Variants in ASAP1 observed in about 807,000 individuals in gnomAD.
ASAP1 encodes ArfGAP with SH3 domain, ankyrin repeat and PH domain 1, also known as arf-GAP with SH3 domain, ANK repeat and PH domain-containing protein 1.
Under a neutral mutation model 145.2 loss-of-function variants are expected in ASAP1, and 43 were observed. The observed-to-expected ratio is 0.30, with a 90% confidence interval of 0.23 to 0.38. The LOEUF (loss-of-function observed/expected upper bound fraction) is 0.38, where lower values mean the gene tolerates loss of function less well. ASAP1 is among the 10% of genes least tolerant of loss of function. The probability of loss-of-function intolerance (pLI) is 1.00; values close to 1 mark genes in which losing one functional copy is unlikely to be tolerated. For synonymous variants in ASAP1, 546 were observed against 515.5 expected, an observed-to-expected ratio of 1.06 and a Z score of -0.80; for missense variants, 1,018 against 1,355.3, an observed-to-expected ratio of 0.75 and a Z score of 3.91.
chr8:130,123,411 A>G (rs72722347), intron 18 of ASAP1, among the ~76,000 whole-genome samples: 8,124 of 152,228 alleles, frequency 0.053, 286 homozygotes, highest in Non-Finnish European at 0.077. Flanking sequence ...TACTCATCAC[A>G]ATATGCCATG....
chr8:130,249,216 T>C lies in ASAP1; in HGVS notation c.187-12222A>G, dbSNP rs574153054. Reference sequence around the variant, plus strand: ...GCAGAGTGTTTCTAAATATGTCTAGTCATGCCACTCTCTGACTTTAAAACA... The same window carrying C: ...GCAGAGTGTTTCTAAATATGTCTAGCCATGCCACTCTCTGACTTTAAAACA... On this transcript the variant is annotated intron_variant, in intron 3 of 29. Transcript: ENST00000518721. Among the ~76,000 whole-genome samples, 275 of 152,266 alleles carry C rather than the reference T, an allele frequency of 1.8e-3. 1 individual carries two copies. Among genetic ancestry groups the C allele is most frequent in the African/African-American group, 6.4e-3 (266 of 41,560 alleles).
At chr8:130,205,243 A>C (rs1300753990) in intron 5 of ASAP1, among the ~76,000 whole-genome samples, 2 of 152,132 alleles carry the variant, frequency 1.3e-5, no homozygotes, top group Non-Finnish European at 2.9e-5. Flanking sequence ...CTAGACAATC[A>C]CGTACACATA....
chr8:130,217,960 C>T (rs192157067), intron 4 of ASAP1, among the ~76,000 whole-genome samples: 87 of 152,242 alleles, frequency 5.7e-4, no homozygotes, highest in Admixed American at 1.6e-3. Context: ...CTAATCACCA[C>T]CACATTAAAA....
At chr8:130,430,165 G>T (rs545090544) in intron 1 of ASAP1, among the ~76,000 whole-genome samples, 2 of 152,164 alleles carry the variant, frequency 1.3e-5, no homozygotes, top group African/African-American at 4.8e-5. Flanking sequence ...AAGAGAGATT[G>T]TCAAACTCTC....
At chr8:130,155,668 T>A (rs1293245140) in intron 12 of ASAP1, among the ~76,000 whole-genome samples, 2 of 152,198 alleles carry the variant, frequency 1.3e-5, no homozygotes, top group Non-Finnish European at 2.9e-5. Context: ...TTTGTGAACA[T>A]TTTGATAGCT....
chr8:130,173,378 C>T (rs1813716547), intron 9 of ASAP1, among the ~76,000 whole-genome samples: 1 of 152,312 alleles, frequency 6.6e-6, no homozygotes, highest in African/African-American at 2.4e-5. Flanking sequence ...AGACAGAGAG[C>T]CACCACGACC....
At chr8:130,328,547 G>C (rs574436127) in intron 3 of ASAP1, among the ~76,000 whole-genome samples, 1 of 151,802 alleles carries the variant, frequency 6.6e-6, no homozygotes, top group African/African-American at 2.4e-5. Flanking sequence ...TTTCATGAGA[G>C]ATGTGGGCAG....
intron 24 of ASAP1, among the ~76,000 whole-genome samples, chr8:130,100,088 T>C (rs115152094): frequency 0.011 from 1,637 of 152,314 alleles, 23 homozygotes; most frequent in African/African-American, 0.038. Context: ...GAAACCTCCA[T>C]ACTGTTTTTC....
chr8:130,321,476 T>C (rs1014739226), intron 3 of ASAP1, among the ~76,000 whole-genome samples: 1 of 152,116 alleles, frequency 6.6e-6, no homozygotes, highest in Non-Finnish European at 1.5e-5. Flanking sequence ...GACCTCAATT[T>C]CTACATTTAC....
chr8:130,096,500 C>T (rs886257653), intron 24 of ASAP1, among the ~76,000 whole-genome samples: 3 of 152,214 alleles, frequency 2.0e-5, no homozygotes, highest in Admixed American at 1.3e-4. Flanking sequence ...TGCCCCAAAC[C>T]TCACTTGCCA....
At chr8:130,332,668 A>C (rs1824771383) in intron 3 of ASAP1, among the ~76,000 whole-genome samples, 1 of 152,338 alleles carries the variant, frequency 6.6e-6, no homozygotes, top group African/African-American at 2.4e-5. Context: ...AAGTAGAATA[A>C]AAAGGCTGCT....
intron 3 of ASAP1, among the ~76,000 whole-genome samples, chr8:130,242,882 T>C (rs1345471574): frequency 6.6e-6 from 1 of 152,128 alleles, no homozygotes; most frequent in Non-Finnish European, 1.5e-5. Context: ...TGACCTTCCA[T>C]ACCTGTGGGT....
chr8:130,190,422 T>C (rs117664229), intron 5 of ASAP1, among the ~76,000 whole-genome samples: 4,294 of 152,334 alleles, frequency 0.028, 95 homozygotes, highest in Non-Finnish European at 0.041. Flanking sequence ...CTTTCCCCAA[T>C]GTATGTTCTT....
Position 130,163,062 on chromosome 8 carries a change from T to C in ASAP1, c.910-3098A>G, listed in dbSNP as rs150669279. 443 of 167,026 alleles carry C rather than the reference T, an allele frequency of 2.7e-3. 4 individuals are homozygous for C. Among genetic ancestry groups the C allele is most frequent in the African/African-American group, 0.01 (425 of 42,224 alleles). The allele number at this position is 167,026 out of a possible 1,614,324, so 10.3% of individuals were successfully genotyped here. A position where few individuals can be genotyped will look rare whatever the true frequency, so the allele number is the denominator to read the frequency against. On this transcript the variant is annotated intron_variant, in intron 11 of 29. Transcript: ENST00000518721. ...TATTATACTGGAGTTGGCAAAGGCC[T>C]GTGACAATGAGATATCTCTCAAGCC... is the stretch of plus-strand genomic sequence containing the variant.
At chr8:130,284,886 T>TGA (rs112517433) in intron 3 of ASAP1, among the ~76,000 whole-genome samples, 89 of 124,448 alleles carry the variant, frequency 7.2e-4, no homozygotes, top group African/African-American at 2.8e-3. Flanking sequence ...CACACCATAC[T>TGA]GAGAGAGAGA....
intron 3 of ASAP1, among the ~76,000 whole-genome samples, chr8:130,282,808 T>C (rs762947787): frequency 3.6e-4 from 55 of 152,208 alleles, no homozygotes; most frequent in Non-Finnish European, 7.8e-4. Context: ...CAAAGGATCA[T>C]AAACTGAAAT....
intron 12 of ASAP1, among the ~76,000 whole-genome samples, chr8:130,158,744 ATTTT>A (rs879935055): frequency 6.9e-6 from 1 of 144,618 alleles, no homozygotes; most frequent in Non-Finnish European, 1.5e-5. Context: ...ATGCTTTATG[ATTTT>A]TTTTTTTTTG....
chr8:130,128,088 C>T lies in ASAP1; in HGVS notation c.1220G>A (p.Trp407Ter), dbSNP rs2097577759. 6.5e-7 allele frequency: 1 copy of T among 1,529,354 alleles called. No homozygotes were observed. The highest frequency in any genetic ancestry group is 8.8e-7 in the Non-Finnish European group (1 of 1,139,568). 94.7% of individuals were successfully genotyped at this position (1,529,354 alleles called of 1,614,324 possible). The part of the protein sequence containing the change: ...QAEDEQDYVA[W>*]ISVLTNSKEE... ...TTTGCTATTTGTCAATACTGATATC[C>T]ATCTGTTGGTAAAAACATAAGAGGA... The change falls in exon 16 of 30, where the codon TGG becomes TAG. Residue 407 changes from tryptophan (W) to a stop codon, truncating the protein, a stop_gained and splice_region_variant. Coordinates refer to ENST00000518721, the MANE Select transcript of ASAP1 (RefSeq NM_018482.4). LOFTEE classifies it high-confidence loss of function.
chr8:130,364,793 T>TCAGCAA (rs1200799389), intron 2 of ASAP1, among the ~76,000 whole-genome samples: 1 of 152,186 alleles, frequency 6.6e-6, no homozygotes, highest in East Asian at 1.9e-4. Context: ...GAGAACTTCC[T>TCAGCAA]CAGCAACAAA....
Sources: allele counts gnomAD v4.1 joint callset (sites outside exome capture counted in the v4.1 genomes callset), GRCh38; gene constraint gnomAD v4.1.1; transcripts MANE v1.5; gene names NCBI Gene and HGNC (gene_info 2026-07-23, HGNC 2026-07-21).